PLOD1: variants seen among roughly 807,000 people sequenced by gnomAD.
The protein encoded by PLOD1 is lysine hydroxylase.
A neutral mutation model predicts 94.7 loss-of-function variants in PLOD1; 70 were observed. The observed-to-expected ratio is 0.74, with a 90% CI of 0.61 to 0.90. The LOEUF (loss-of-function observed/expected upper bound fraction) is 0.90, where lower values mean the gene tolerates loss of function less well. Among genes scored for constraint, PLOD1 ranks in the 40% least tolerant of loss-of-function variants. The pLI, the probability that PLOD1 is intolerant of heterozygous loss-of-function variation, is 0.00. For synonymous variants in PLOD1, 417 were observed against 400.2 expected, an observed-to-expected ratio of 1.04 and a Z score of -0.50; for missense variants, 905 against 972.7, an observed-to-expected ratio of 0.93 and a Z score of 0.93.
At chr1:11,946,017 T>TA (rs1320025955) in intron 1 of PLOD1, among the ~76,000 whole-genome samples, 1 of 152,146 alleles carries the variant, frequency 6.6e-6, no homozygotes. Context: ...CCTTCAGTAA[T>TA]ACCTCTTCAT....
intron 5 of PLOD1, chr1:11,954,490 A>G (rs1424069571): frequency 1.8e-6 from 1 of 562,256 alleles, no homozygotes; most frequent in East Asian, 4.7e-5. Context: ...CTTTCTCAAA[A>G]AAAAGAATAT....
At chr1:11,959,618 A>G (rs867164313) in intron 9 of PLOD1, among the ~76,000 whole-genome samples, 2 of 93,116 alleles carry the variant, frequency 2.1e-5, no homozygotes, top group African/African-American at 7.9e-5. Context: ...AATTTTTTGT[A>G]TTTTTTTTTT....
At chr1:11,941,346 T>G (rs1266129972) in intron 1 of PLOD1, among the ~76,000 whole-genome samples, 2 of 151,908 alleles carry the variant, frequency 1.3e-5, no homozygotes, top group African/African-American at 4.8e-5. Flanking sequence ...CTGCTTTTTT[T>G]TTTGAGACAG....
At position 11,957,961 on chromosome 1, in the gene PLOD1, C is replaced by T; in HGVS notation, c.843+18C>T. 1.3e-6 allele frequency: 2 copies of T among 1,540,044 alleles called. No homozygotes were observed. The highest frequency in any genetic ancestry group is 1.8e-6 in the Non-Finnish European group (2 of 1,112,590). Reference sequence around the variant, plus strand: ...GCATTGGGGTGAGGCTGCGCCCAGGCCTGTGCCTGAGGGACACGGGGGGCT... The same window carrying T: ...GCATTGGGGTGAGGCTGCGCCCAGGTCTGTGCCTGAGGGACACGGGGGGCT... On this transcript the variant is annotated intron_variant, in intron 8 of 18. Transcript: ENST00000196061. This position sits in a 1 kb window ranked among gnomAD's most constrained non-coding sequence, Gnocchi z 4.1.
At chr1:11,952,550 G>A in intron 4 of PLOD1, 73 bp from the exon 5 acceptor site, 1 of 1,032,478 alleles carries the variant, frequency 9.7e-7, no homozygotes, top group South Asian at 1.3e-5. Context: ...AGAGGGAAGG[G>A]TGGGAGGAGG....
At chr1:11,954,021 T>A (rs1458109397) in intron 5 of PLOD1, among the ~76,000 whole-genome samples, 1 of 151,032 alleles carries the variant, frequency 6.6e-6, no homozygotes. Flanking sequence ...TGCGTCACCA[T>A]GTCTGGCTAA....
chr1:11,944,604 T>G, intron 1 of PLOD1: 1 of 1,364,284 alleles, frequency 7.3e-7, no homozygotes, highest in South Asian at 1.1e-5. Flanking sequence ...TGGCAGGAGC[T>G]CGGGGGAGCC....
rs1645895389 is a variant in PLOD1 at position 11,975,163 on chromosome 1, G to C, written c.*355G>C. Reference sequence around the variant, plus strand: ...TTGAGCAGAACAGGGGCTTCCCCAAGTTGCCCAGAAAGACTGTCTGGGTGA... The same window carrying C: ...TTGAGCAGAACAGGGGCTTCCCCAACTTGCCCAGAAAGACTGTCTGGGTGA... On this transcript the variant is annotated 3_prime_UTR_variant, in exon 19 of 19. Transcript: ENST00000196061. 2 of 353,828 alleles carry C rather than the reference G, an allele frequency of 5.7e-6. No individual in the cohort carries two copies. Among genetic ancestry groups the C allele is most frequent in the Non-Finnish European group, 1.1e-5 (2 of 183,038 alleles). 21.9% of individuals were successfully genotyped at this position (353,828 alleles called of 1,614,324 possible).
intron 1 of PLOD1, chr1:11,944,435 ACAC>A: frequency 1.2e-6 from 1 of 803,144 alleles, no homozygotes; most frequent in Non-Finnish European, 1.8e-6. Flanking sequence ...ACACACACAC[ACAC>A]ACACACACAC....
intron 5 of PLOD1, 148 bp downstream of exon 5, chr1:11,952,883 C>T (rs1645713115): frequency 1.6e-6 from 1 of 622,976 alleles, no homozygotes; most frequent in South Asian, 1.8e-5. Context: ...CTGGGTGGCT[C>T]CCAAACAACG....
intron 4 of PLOD1, 139 bp from the exon 5 acceptor site, chr1:11,952,484 T>TC: frequency 2.8e-6 from 2 of 706,268 alleles, no homozygotes; most frequent in Non-Finnish European, 5.2e-6. Flanking sequence ...TCCTGTCAAT[T>TC]CAGGAGGACT....
chr1:11,944,590 G>A (rs764851668), intron 1 of PLOD1: 41 of 1,362,276 alleles, frequency 3.0e-5, no homozygotes, highest in South Asian at 3.4e-5. Flanking sequence ...AGACTTCACC[G>A]TCCTGGCAGG....
At chr1:11,964,514 C>T (rs1409410390) in intron 12 of PLOD1, 130 bp from the exon 13 acceptor site, 2 of 961,992 alleles carry the variant, frequency 2.1e-6, no homozygotes, top group South Asian at 1.3e-5. Flanking sequence ...ACAATTGTGC[C>T]CCCCTAGCCT....
chr1:11,960,616 CCGCAT>C, intron 9 of PLOD1, 25 bp from the exon 10 acceptor site: 15 of 1,479,224 alleles, frequency 1.0e-5, no homozygotes, highest in Non-Finnish European at 1.2e-5. Context: ...CTCCTCACCC[CCGCAT>C]CCCCTTCCCC....
chr1:11,938,063 C>T (rs973352010), intron 1 of PLOD1, among the ~76,000 whole-genome samples: 3 of 151,906 alleles, frequency 2.0e-5, no homozygotes, highest in African/African-American at 7.3e-5. Context: ...AGCGATTCTC[C>T]TGTCTCAGCC....
In PLOD1 at chr1:11,958,150, T is replaced by C. The variant is rs1245708853; in HGVS notation, c.843+207T>C. ...TGCATGTCTCTAGCTTCCCCCGAGA[T>C]GTCCAGGTTCTGGTTTCTTCTGCCT... On this transcript the variant is annotated intron_variant, in intron 8 of 18. Transcript: ENST00000196061. The surrounding 1 kb of genome is among the most constrained non-coding windows in gnomAD (Gnocchi z 4.3). Among the ~76,000 whole-genome samples the C allele has an allele frequency of 6.6e-6, 1 of 151,948 alleles. No homozygotes were observed.
Position 11,963,686 on chromosome 1 carries a change from T to G in PLOD1, c.1202+50T>G. 1 of 1,267,048 alleles carries G rather than the reference T, an allele frequency of 7.9e-7. No homozygotes were observed. The highest frequency in any genetic ancestry group is 1.1e-6 in the Non-Finnish European group (1 of 883,974). The allele number at this position is 1,267,048 out of a possible 1,614,324, so 78.5% of individuals were successfully genotyped here. On this transcript the variant is annotated intron_variant, in intron 11 of 18. Coordinates refer to ENST00000196061, the MANE Select transcript of PLOD1 (RefSeq NM_000302.4). The surrounding 1 kb of genome is among the most constrained non-coding windows in gnomAD (Gnocchi z 4.3). ...GCACTGCTCAGGACTGGCCTGGTCC[T>G]GGGGTGGCAGCCCTCCTTGCCTTCC... is the stretch of plus-strand genomic sequence containing the variant.
intron 2 of PLOD1, 143 bp from the exon 3 acceptor site, chr1:11,949,630 G>C: frequency 1.3e-6 from 1 of 763,630 alleles, no homozygotes; most frequent in Non-Finnish European, 2.2e-6. Flanking sequence ...ATGTTGGCCA[G>C]TCTGGTCTTG....
chr1:11,935,651 G>A lies in PLOD1; in HGVS notation c.76+796G>A, dbSNP rs1051868598. ...TTCTTTTTTTTTTTTTTGAGATGGA[G>A]TCTCGCTCTGTCGCCCAGGCTGGAA... On this transcript the variant is annotated intron_variant, in intron 1 of 18. Coordinates refer to ENST00000196061, the MANE Select transcript of PLOD1 (RefSeq NM_000302.4). 5.4e-5 allele frequency among the ~76,000 whole-genome samples: 8 copies of A among 147,444 alleles called. No individual in the cohort carries two copies. In the South Asian group the frequency reaches 1.7e-3, roughly 31 times the overall value.
Sources: allele counts gnomAD v4.1 joint callset (sites outside exome capture counted in the v4.1 genomes callset), GRCh38; gene constraint gnomAD v4.1.1; non-coding constraint Gnocchi (gnomAD v3.1); transcripts MANE v1.5; gene names NCBI Gene and HGNC (gene_info 2026-07-23, HGNC 2026-07-21).